Variants in COL24A1 observed in about 807,000 individuals in gnomAD.
COL24A1 encodes collagen alpha-1(XXIV) chain.
Under a neutral mutation model 253.9 loss-of-function variants are expected in COL24A1, and 224 were observed. The ratio of observed to expected loss-of-function variants is 0.88; its 90% CI spans 0.79 to 0.99. COL24A1 has a LOEUF of 0.99. Among genes scored for constraint, COL24A1 ranks in the 50% least tolerant of loss-of-function variants. The pLI is 0.00. For missense variants in COL24A1, 2,131 were observed against 2,068.5 expected (o/e 1.03, Z -0.59); for synonymous variants, 685 against 673.7 (o/e 1.02, Z -0.26).
At chr1:86,038,721 G>T (rs552011160) in intron 12 of COL24A1, among the ~76,000 whole-genome samples, 70 of 152,182 alleles carry the variant, frequency 4.6e-4, no homozygotes, top group African/African-American at 1.7e-3. Flanking sequence ...TCACTCTGGG[G>T]GAAGCCAAAG....
chr1:85,996,496 C>CGAAACCCCGTCTCTGCTAAAAATACAA (rs1553253949), intron 19 of COL24A1, among the ~76,000 whole-genome samples: 32 of 150,574 alleles, frequency 2.1e-4, no homozygotes, highest in Admixed American at 4.0e-4. Flanking sequence ...ACCAACATGG[C>CGAAACCCCGTCTCTGCTAAAAATACAA]ATGGTGGTGG....
At chr1:85,768,245 A>AG (rs1318128001) in intron 53 of COL24A1, among the ~76,000 whole-genome samples, 1 of 152,204 alleles carries the variant, frequency 6.6e-6, no homozygotes, top group Non-Finnish European at 1.5e-5. Context: ...AGAGGCAAAC[A>AG]GGGGCCAGTT....
chr1:86,132,833 G>T (rs1285636117), intron 2 of COL24A1, among the ~76,000 whole-genome samples: 10 of 151,758 alleles, frequency 6.6e-5, no homozygotes, highest in African/African-American at 9.7e-5. Context: ...GGCTTAGGAT[G>T]GACTTGGCAA....
In COL24A1 at chr1:86,084,114, A is replaced by G. The variant is rs142775257; in HGVS notation, c.1707+5060T>C. Among the ~76,000 whole-genome samples, 1,092 of 152,288 alleles carry G rather than the reference A, an allele frequency of 7.2e-3. 14 individuals are homozygous for G. The highest frequency in any genetic ancestry group is 0.025 in the African/African-American group (1,039 of 41,566). ...CTATAACCATGGTTTGACCAAAATAACCAGAGAAAACTATGGCAAAATTGA... is the reference window on the plus strand; with the variant it reads ...CTATAACCATGGTTTGACCAAAATAGCCAGAGAAAACTATGGCAAAATTGA... On this transcript the variant is annotated intron_variant, in intron 7 of 59. Transcript: ENST00000370571.
At chr1:85,920,514 T>G (rs1378041624) in intron 24 of COL24A1, among the ~76,000 whole-genome samples, 1 of 152,070 alleles carries the variant, frequency 6.6e-6, no homozygotes, top group Non-Finnish European at 1.5e-5. Context: ...TGCAGAAGAG[T>G]GTGTGCTTGT....
intron 12 of COL24A1, among the ~76,000 whole-genome samples, chr1:86,037,965 G>GTATTACAAATTATAATAACAAAAAT (rs1699162214): frequency 6.6e-6 from 1 of 151,940 alleles, no homozygotes; most frequent in Admixed American, 6.6e-5. Context: ...ATAACAAAAA[G>GTATTACAAATTATAATAACAAAAAT]TATTACAATT....
At chr1:86,072,854 T>C (rs1701971916) in intron 7 of COL24A1, among the ~76,000 whole-genome samples, 3 of 151,732 alleles carry the variant, frequency 2.0e-5, no homozygotes, top group Admixed American at 2.0e-4. Context: ...GGGTCTGGAG[T>C]GGACCTCCAG....
chr1:85,815,127 C>T (rs986036135), intron 47 of COL24A1, among the ~76,000 whole-genome samples: 4 of 152,158 alleles, frequency 2.6e-5, no homozygotes, highest in Non-Finnish European at 5.9e-5. Context: ...TGTGGTTTTC[C>T]TTGTTTGAAT....
chr1:85,903,275 T>C (rs898833206), intron 28 of COL24A1, among the ~76,000 whole-genome samples: 2 of 152,214 alleles, frequency 1.3e-5, no homozygotes, highest in Non-Finnish European at 2.9e-5. Context: ...AGTTTAAGGC[T>C]GGCAGAAGAA....
intron 13 of COL24A1, among the ~76,000 whole-genome samples, chr1:86,032,865 G>A (rs1261687553): frequency 6.6e-6 from 1 of 152,070 alleles, no homozygotes; most frequent in African/African-American, 2.4e-5. Flanking sequence ...AGACTTCATG[G>A]ATAGTAACTG....
intron 12 of COL24A1, among the ~76,000 whole-genome samples, chr1:86,034,699 T>C (rs950681455): frequency 6.6e-6 from 1 of 152,134 alleles, no homozygotes. Flanking sequence ...CAAATGCCTA[T>C]TGAGAATTCT....
chr1:86,039,390 C>CATTATTT (rs1699284642), intron 12 of COL24A1, among the ~76,000 whole-genome samples: 1 of 152,090 alleles, frequency 6.6e-6, no homozygotes, highest in Non-Finnish European at 1.5e-5. Flanking sequence ...CCAGTAAAAG[C>CATTATTT]ATTATTTTCC....
chr1:86,026,559 A>C (rs1698045568), intron 14 of COL24A1, among the ~76,000 whole-genome samples: 1 of 152,196 alleles, frequency 6.6e-6, no homozygotes, highest in South Asian at 2.1e-4. Context: ...TTTGCCTTCC[A>C]ACATGACTGT....
chr1:86,126,901 TAAAGTG>T (rs1200362719), intron 2 of COL24A1, among the ~76,000 whole-genome samples: 3 of 152,182 alleles, frequency 2.0e-5, no homozygotes, highest in Non-Finnish European at 4.4e-5. Context: ...AAATCTGTGT[TAAAGTG>T]AAAGTGGAGT....
At chr1:86,107,698 C>A (rs966607582) in intron 5 of COL24A1, among the ~76,000 whole-genome samples, 2 of 151,908 alleles carry the variant, frequency 1.3e-5, no homozygotes, top group Non-Finnish European at 2.9e-5. Context: ...CCACGCCCGG[C>A]TAATTTTTTT....
At chr1:85,991,708 T>C (rs908579387) in intron 19 of COL24A1, among the ~76,000 whole-genome samples, 2 of 152,022 alleles carry the variant, frequency 1.3e-5, no homozygotes, top group Non-Finnish European at 2.9e-5. Context: ...AAAGTATCAG[T>C]GGAGAAATAT....
chr1:85,838,290 G>A (rs1676234975), intron 43 of COL24A1, among the ~76,000 whole-genome samples: 1 of 152,086 alleles, frequency 6.6e-6, no homozygotes, highest in Non-Finnish European at 1.5e-5. Flanking sequence ...TGTCATGAAG[G>A]AAATCGAGTA....
chr1:85,846,930 C>T (rs1677199792), intron 39 of COL24A1, among the ~76,000 whole-genome samples: 1 of 151,986 alleles, frequency 6.6e-6, no homozygotes, highest in South Asian at 2.1e-4. Context: ...GCAATGATCT[C>T]TAAAAAGCCT....
At chr1:86,015,474 T>C (rs1350926816) in intron 19 of COL24A1, among the ~76,000 whole-genome samples, 1 of 152,176 alleles carries the variant, frequency 6.6e-6, no homozygotes, top group Non-Finnish European at 1.5e-5. Flanking sequence ...ACATGGCGCA[T>C]GCATCCTTTA....
Sources: gnomAD v4.1 joint callset for allele counts (sites outside exome capture counted in the v4.1 genomes callset) on GRCh38, gnomAD v4.1.1 for gene constraint, MANE v1.5 for transcripts, NCBI Gene and HGNC (gene_info 2026-07-23, HGNC 2026-07-21) for gene names.